The following LRP1 variants were observed in gnomAD, a reference collection of about 807,000 sequenced individuals.
The protein encoded by LRP1 is LDL receptor related protein 1.
Under a neutral mutation model 541.5 loss-of-function variants are expected in LRP1, and 51 were observed. The ratio of observed to expected loss-of-function variants is 0.09; its 90% confidence interval spans 0.08 to 0.12. The LOEUF (loss-of-function observed/expected upper bound fraction) is 0.12, where lower values mean the gene tolerates loss of function less well. LRP1 is among the 10% of genes least tolerant of loss of function. LRP1 has a pLI of 1.00. For synonymous variants in LRP1, 2,219 were observed against 2,470.8 expected (o/e 0.90, Z 3.02); for missense variants, 3,878 against 6,376.2 (o/e 0.61, Z 13.34).
chr12:57,173,861 T>C lies in LRP1; in HGVS notation c.3428T>C (p.Leu1143Pro). Reference protein sequence around the residue: ...DNSDEENCESLACRPPSHPCA... With the variant: ...DNSDEENCESPACRPPSHPCA... ...TCGGACGAGGAGAACTGCGAGTCCCTGGCCTGCAGGCCACCCTCGCACCCT... is the reference window on the plus strand; with the variant it reads ...TCGGACGAGGAGAACTGCGAGTCCCCGGCCTGCAGGCCACCCTCGCACCCT... Residue 1143 changes from leucine (L) to proline (P), a missense_variant, in exon 22 of 89, where the codon CTG (leucine) becomes CCG (proline). This residue lies in a region of LRP1 where 320 missense variants were observed against 547.9 expected (regional missense o/e 0.58). Transcript: ENST00000243077. The surrounding 1 kb of genome is among the most constrained non-coding windows in gnomAD (Gnocchi z 4.7). 6.2e-7 allele frequency: 1 copy of C among 1,614,242 alleles called. No homozygotes were observed. Among genetic ancestry groups the C allele is most frequent in the Non-Finnish European group, 8.5e-7 (1 of 1,180,034 alleles).
chr12:57,138,045 CG>C (rs938148481), intron 1 of LRP1, among the ~76,000 whole-genome samples: 5 of 152,078 alleles, frequency 3.3e-5, no homozygotes, highest in Admixed American at 3.3e-4. Flanking sequence ...AAGACCAGCT[CG>C]GGGCCTCTAG....
intron 60 of LRP1, 41 bp from the exon 61 acceptor site, chr12:57,199,171 C>T (rs1236076517): frequency 1.3e-6 from 2 of 1,592,918 alleles, no homozygotes; most frequent in South Asian, 2.2e-5. Context: ...CCTGTCCGAG[C>T]TCCGGCTGAC....
intron 6 of LRP1, among the ~76,000 whole-genome samples, chr12:57,153,480 G>T (rs2035563400): frequency 6.6e-6 from 1 of 152,106 alleles, no homozygotes; most frequent in Admixed American, 6.5e-5. Context: ...TTGCCCTGAG[G>T]ATTCTTTCAT....
chr12:57,161,187 C>T, intron 13 of LRP1, 72 bp downstream of exon 13: 1 of 1,442,658 alleles, frequency 6.9e-7, no homozygotes, highest in Non-Finnish European at 9.6e-7. Context: ...GGATGAGGTT[C>T]TGTGTGAGTA....
At chr12:57,172,584 C>T (rs1267427484) in intron 20 of LRP1, among the ~76,000 whole-genome samples, 1 of 152,202 alleles carries the variant, frequency 6.6e-6, no homozygotes, top group East Asian at 1.9e-4. Flanking sequence ...ACTCGCTCTT[C>T]ATGCAGGCCT....
At chr12:57,136,405 C>CA (rs956446757) in intron 1 of LRP1, among the ~76,000 whole-genome samples, 2 of 148,528 alleles carry the variant, frequency 1.3e-5, no homozygotes, top group African/African-American at 2.5e-5. Flanking sequence ...GCCCCCCCCC[C>CA]CCGCCATTTT....
rs1382145135 is a variant in LRP1 at position 57,212,960 on chromosome 12, A to C, written c.*405A>C. On this transcript the variant is annotated 3_prime_UTR_variant, in exon 89 of 89. Transcript: ENST00000243077. The surrounding 1 kb of genome is among the most constrained non-coding windows in gnomAD (Gnocchi z 5.0). ...AGCTTCCTGAGGGCTAATTCTGGGA[A>C]GGGAGAGTTCTTTGCTGCCCCTGTC... The C allele has an allele frequency of 6.0e-6, 1 of 167,618 alleles. No individual in the cohort carries two copies. The highest frequency in any genetic ancestry group is 2.4e-5 in the African/African-American group (1 of 41,674). The allele number at this position is 167,618 out of a possible 1,614,324, so 10.4% of individuals were successfully genotyped here.
intron 6 of LRP1, chr12:57,147,338 C>G (rs542554854): frequency 6.6e-6 from 1 of 152,304 alleles, no homozygotes; most frequent in Non-Finnish European, 1.5e-5. Context: ...ACGTCAGTGT[C>G]TCTCCCCTAG....
Position 57,181,089 on chromosome 12 carries a change from C to A in LRP1, c.5528-68C>A, listed in dbSNP as rs1192000709. The A allele has an allele frequency of 3.2e-6, 5 of 1,570,916 alleles. No homozygotes were observed. The Admixed American group carries it at 8.7e-5, about 27-fold the overall frequency. ...GTGACCATCCTGTTTCTGAGCAGCCCAAGCCTGACCCTGAGGTCCCAAGGA... is the reference window on the plus strand; with the variant it reads ...GTGACCATCCTGTTTCTGAGCAGCCAAAGCCTGACCCTGAGGTCCCAAGGA... On this transcript the variant is annotated intron_variant, in intron 33 of 88. Coordinates refer to ENST00000243077, the MANE Select transcript of LRP1 (RefSeq NM_002332.3).
Position 57,206,507 on chromosome 12 carries a change from C to T in LRP1, c.11625C>T (p.Asp3875=), listed in dbSNP as rs750746378. The T allele has an allele frequency of 3.1e-6, 5 of 1,614,040 alleles. No individual in the cohort carries two copies. The highest frequency in any genetic ancestry group is 4.2e-6 in the Non-Finnish European group (5 of 1,180,050). ...SEYQVLYIAD[D]NEIRSLFPGH... is the part of the protein sequence containing the mutation. ...ACCAGGTCCTGTACATCGCTGATGA[C>T]AATGAGATCCGCAGCCTGTTCCCCG... The change falls in exon 76 of 89, where the codon GAC becomes GAT. Residue 3875 remains aspartate (D), a synonymous_variant. Coordinates refer to ENST00000243077, the MANE Select transcript of LRP1 (RefSeq NM_002332.3). The surrounding 1 kb of genome is among the most constrained non-coding windows in gnomAD (Gnocchi z 4.7).
In LRP1 at chr12:57,165,621, T is replaced by C; in HGVS notation, c.2531-184T>C. On this transcript the variant is annotated intron_variant, in intron 15 of 88. Transcript: ENST00000243077. The surrounding 1 kb of genome is among the most constrained non-coding windows in gnomAD (Gnocchi z 4.5). ...CATTAAGTAGAGTAAACATCACTAT[T>C]GTTGCTTGGGAAAGAATTGCAGTTT... The C allele has an allele frequency of 1.6e-6, 1 of 612,554 alleles. No homozygotes were observed. Among genetic ancestry groups the C allele is most frequent in the African/African-American group, 1.8e-5 (1 of 54,240 alleles). 37.9% of individuals were successfully genotyped at this position (612,554 alleles called of 1,614,324 possible).
At position 57,212,322 on chromosome 12, in the gene LRP1, G is replaced by T. The variant is rs1037663487; in HGVS notation, c.13494+61G>T. 3.7e-6 allele frequency: 6 copies of T among 1,611,586 alleles called. No individual in the cohort carries two copies. The highest frequency in any genetic ancestry group is 5.1e-6 in the Non-Finnish European group (6 of 1,178,174). ...GGCCGTGGGTGGCCTAACCAAAGGT[G>T]TTGGGTTAGGTGAGGGACGGAGGTG... On this transcript the variant is annotated intron_variant, in intron 88 of 88. Transcript: ENST00000243077. This position sits in a 1 kb window ranked among gnomAD's most constrained non-coding sequence, Gnocchi z 5.0.
Position 57,189,519 on chromosome 12 carries a change from T to C in LRP1, c.7032-1286T>C, listed in dbSNP as rs747466708. The stretch of plus-strand genomic sequence containing the variant: ...TCGCCGAGGCTCAGGGCAGCCAGTG[T>C]CTCCAGAGGGGCAGAGCAGCACCAT... On this transcript the variant is annotated intron_variant, in intron 42 of 88. Transcript: ENST00000243077. This position sits in a 1 kb window ranked among gnomAD's most constrained non-coding sequence, Gnocchi z 4.4. Among the ~76,000 whole-genome samples, 1 of 152,086 alleles carries C rather than the reference T, an allele frequency of 6.6e-6. No homozygotes were observed. The highest frequency in any genetic ancestry group is 1.5e-5 in the Non-Finnish European group (1 of 68,018).
intron 34 of LRP1, among the ~76,000 whole-genome samples, chr12:57,181,755 G>T (rs1445053988): frequency 6.6e-6 from 1 of 152,154 alleles, no homozygotes; most frequent in Non-Finnish European, 1.5e-5. Context: ...AGAAACAGAG[G>T]CGGTTAAACC....
Position 57,210,809 on chromosome 12 carries a change from C to T in LRP1, c.12846C>T (p.Cys4282=). ...CAGYCANNST[C]TVNQGNQPQC... ...GCTACTGTGCCAACAACAGCACCTG[C>T]ACTGTCAACCAGGGCAACCAGCCCC... The change falls in exon 83 of 89, where the codon TGC becomes TGT. Residue 4282 remains cysteine, a synonymous_variant. Coordinates refer to ENST00000243077, the MANE Select transcript of LRP1 (RefSeq NM_002332.3). 5 of 1,613,496 alleles carry T rather than the reference C, an allele frequency of 3.1e-6. No homozygotes were observed. The highest frequency in any genetic ancestry group is 4.2e-6 in the Non-Finnish European group (5 of 1,179,864).
At chr12:57,169,693 A>T (rs2035908561) in intron 20 of LRP1, among the ~76,000 whole-genome samples, 1 of 152,256 alleles carries the variant, frequency 6.6e-6, no homozygotes, top group Non-Finnish European at 1.5e-5. Context: ...ATCACGCACG[A>T]AAAGTGCTCA....
At chr12:57,207,160 A>G (rs749375604) in intron 76 of LRP1, among the ~76,000 whole-genome samples, 3 of 149,336 alleles carry the variant, frequency 2.0e-5, no homozygotes, top group Non-Finnish European at 4.5e-5. Context: ...GGAGAATGGC[A>G]TGAACCCGGG....
chr12:57,193,646 G>A lies in LRP1; in HGVS notation c.7765G>A (p.Asp2589Asn), dbSNP rs763006762. 16 of 1,614,066 alleles carry A rather than the reference G, an allele frequency of 9.9e-6. No homozygotes were observed. The highest frequency in any genetic ancestry group is 3.3e-5 in the Admixed American group (2 of 60,012). The change falls in exon 47 of 89, where the codon GAC becomes AAC. Residue 2589 changes from aspartate (D) to asparagine (N), a missense_variant. Asp to Asn is a conservative substitution (Grantham distance 23). This residue lies in a region of LRP1 where 1,100 missense variants were observed against 1,827.4 expected (regional missense o/e 0.60). Coordinates refer to ENST00000243077, the MANE Select transcript of LRP1 (RefSeq NM_002332.3). Reference protein sequence around the residue: ...VSNMLWCNGADDCGDGSDEIP... With the variant: ...VSNMLWCNGANDCGDGSDEIP... ...CAACATGCTGTGGTGCAACGGGGCC[G>A]ACGACTGTGGGGATGGCTCTGACGA...
intron 43 of LRP1, 44 bp downstream of exon 43, chr12:57,191,053 G>A: frequency 6.4e-7 from 1 of 1,557,460 alleles, no homozygotes; most frequent in Non-Finnish European, 8.7e-7. Context: ...CTGAGGGGAG[G>A]CCAGGGCCAG....
Sources: allele counts gnomAD v4.1 joint callset (sites outside exome capture counted in the v4.1 genomes callset), GRCh38; gene constraint gnomAD v4.1.1; regional missense constraint gnomAD v4.1.1; non-coding constraint Gnocchi (gnomAD v3.1); transcripts MANE v1.5; gene names NCBI Gene and HGNC (gene_info 2026-07-23, HGNC 2026-07-21).